CFAP221: variants seen among roughly 807,000 people sequenced by gnomAD.
CFAP221 encodes the protein cilia and flagella associated protein 221, also known as cilia- and flagella-associated protein 221.
CFAP221 carries 97 observed loss-of-function variants against 113.1 expected under a neutral mutation model. The ratio of observed to expected loss-of-function variants is 0.86; its 90% CI spans 0.73 to 1.02. The LOEUF (loss-of-function observed/expected upper bound fraction) is 1.02. Ranked by LOEUF, CFAP221 falls within the 50% of genes least tolerant of loss-of-function variation. CFAP221 has a pLI of 0.00. For synonymous variants in CFAP221, 331 were observed against 354.4 expected (o/e 0.93, Z 0.74); for missense variants, 1,025 against 1,013.4 (o/e 1.01, Z -0.16).
In CFAP221 at chr2:119,630,564, C is replaced by T. The variant is rs748248337; in HGVS notation, c.1732-6C>T. On this transcript the variant is annotated splice_polypyrimidine_tract_variant and splice_region_variant and intron_variant, in intron 17 of 23. Coordinates refer to ENST00000413369, the MANE Select transcript of CFAP221 (RefSeq NM_001271049.2). Reference sequence around the variant, plus strand: ...TTAAGGATTTTCAATCTTCTTTCACCTTCAGGTTCCTCAACTGTACAAAAT... The same window carrying T: ...TTAAGGATTTTCAATCTTCTTTCACTTTCAGGTTCCTCAACTGTACAAAAT... 30 of 1,589,034 alleles carry T rather than the reference C, an allele frequency of 1.9e-5. No individual in the cohort carries two copies. In the East Asian group the frequency reaches 6.7e-4, roughly 36 times the overall value.
intron 5 of CFAP221, among the ~76,000 whole-genome samples, 154 bp downstream of exon 5, chr2:119,560,180 T>C (rs918972689): frequency 6.6e-6 from 1 of 151,294 alleles, no homozygotes; most frequent in Non-Finnish European, 1.5e-5. Flanking sequence ...GTGACTGGCG[T>C]GCAAAGCTTG....
chr2:119,579,301 A>G (rs1057400471), intron 6 of CFAP221, among the ~76,000 whole-genome samples: 1 of 151,978 alleles, frequency 6.6e-6, no homozygotes, highest in African/African-American at 2.4e-5. Flanking sequence ...CGAGATATAT[A>G]TATATACATA....
intron 21 of CFAP221, among the ~76,000 whole-genome samples, chr2:119,642,979 T>A (rs1045078526): frequency 6.6e-6 from 1 of 151,926 alleles, no homozygotes; most frequent in African/African-American, 2.4e-5. Context: ...TAAATAGGGA[T>A]AGGGTCTTGC....
At chr2:119,602,074 G>A (rs1240074254) in intron 8 of CFAP221, among the ~76,000 whole-genome samples, 1 of 152,014 alleles carries the variant, frequency 6.6e-6, no homozygotes, top group Non-Finnish European at 1.5e-5. Context: ...TTATACCCAA[G>A]ATTTTTATAT....
chr2:119,572,732 A>G lies in CFAP221; in HGVS notation c.527+10618A>G, dbSNP rs945152333. ...TGATGACAAATCCAGGAGAGGATCC[A>G]CTGTGGATCTGGTGGCTGAAGATCT... On this transcript the variant is annotated intron_variant, in intron 6 of 23. Transcript: ENST00000413369. The G allele has an allele frequency of 5.3e-6, 3 of 560,830 alleles. No individual in the cohort carries two copies. The African/African-American group carries it at 5.6e-5, about 10-fold the overall frequency. 34.7% of individuals were successfully genotyped at this position (560,830 alleles called of 1,614,324 possible).
rs369200170 is a variant in CFAP221, at chr2:119,641,375, A to G, written c.2225+1503A>G. Among the ~76,000 whole-genome samples the G allele has an allele frequency of 8.1e-4, 123 of 152,300 alleles. 1 individual carries two copies. In the South Asian group the frequency reaches 9.3e-3, roughly 12 times the overall value. On this transcript the variant is annotated intron_variant, in intron 21 of 23. Coordinates refer to ENST00000413369, the MANE Select transcript of CFAP221 (RefSeq NM_001271049.2). Reference sequence around the variant, plus strand: ...TCCTTTCCTCAACCACCCTATTGCCATCTGAAAACCAGCATCCTTGTTCTA... The same window carrying G: ...TCCTTTCCTCAACCACCCTATTGCCGTCTGAAAACCAGCATCCTTGTTCTA...
chr2:119,599,083 G>A (rs931730471), intron 7 of CFAP221, among the ~76,000 whole-genome samples: 1 of 152,112 alleles, frequency 6.6e-6, no homozygotes, highest in Admixed American at 6.5e-5. Flanking sequence ...ATGGACCCAA[G>A]GTCTTTTGCT....
intron 6 of CFAP221, among the ~76,000 whole-genome samples, chr2:119,569,208 A>G (rs1681868160): frequency 6.6e-6 from 1 of 151,850 alleles, no homozygotes; most frequent in African/African-American, 2.4e-5. Context: ...ATCTCGGCTC[A>G]TTGCAACCTC....
chr2:119,644,681 A>G (rs1200971786), intron 21 of CFAP221, among the ~76,000 whole-genome samples: 1 of 152,202 alleles, frequency 6.6e-6, no homozygotes, highest in South Asian at 2.1e-4. Context: ...ACACACACAC[A>G]CAATGTACAC....
chr2:119,643,671 G>A (rs1375395467), intron 21 of CFAP221, among the ~76,000 whole-genome samples: 2 of 152,150 alleles, frequency 1.3e-5, no homozygotes, highest in African/African-American at 4.8e-5. Flanking sequence ...AGCCTCCTGA[G>A]TAGCTAGGAC....
intron 17 of CFAP221, 126 bp from the exon 18 acceptor site, chr2:119,630,444 G>T (rs1324739706): frequency 1.4e-6 from 1 of 692,986 alleles, no homozygotes; most frequent in South Asian, 2.0e-5. Context: ...GCCACAATCC[G>T]ATGACTACAA....
At chr2:119,647,980 T>C (rs1222896591) in intron 22 of CFAP221, among the ~76,000 whole-genome samples, 1 of 152,140 alleles carries the variant, frequency 6.6e-6, no homozygotes, top group Non-Finnish European at 1.5e-5. Context: ...CCACCGCCAC[T>C]CACTCACAGT....
Position 119,572,671 on chromosome 2 carries a change from C to T in CFAP221, c.527+10557C>T, listed in dbSNP as rs185471618. On this transcript the variant is annotated intron_variant, in intron 6 of 23. Transcript: ENST00000413369. ...TGACTTTAACCAATTGGTTAGCGTG[C>T]TCTAGACAAACCTGCCTGAAACTCA... 51 of 654,992 alleles carry T rather than the reference C, an allele frequency of 7.8e-5. No individual in the cohort carries two copies. The Admixed American group carries it at 1.1e-3, about 14-fold the overall frequency. 40.6% of individuals were successfully genotyped at this position (654,992 alleles called of 1,614,324 possible).
At chr2:119,571,408 G>A (rs1215016021) in intron 6 of CFAP221, among the ~76,000 whole-genome samples, 1 of 151,474 alleles carries the variant, frequency 6.6e-6, no homozygotes, top group Admixed American at 6.6e-5. Context: ...CCAGAGTGCT[G>A]GCATTACAGG....
chr2:119,611,550 G>C, intron 12 of CFAP221, 103 bp from the exon 13 acceptor site: 1 of 918,114 alleles, frequency 1.1e-6, no homozygotes. Context: ...GAACGTCGTG[G>C]GTGGATTTGG....
intron 22 of CFAP221, among the ~76,000 whole-genome samples, chr2:119,650,312 A>G (rs1353087619): frequency 6.6e-6 from 1 of 152,262 alleles, no homozygotes; most frequent in African/African-American, 2.4e-5. Flanking sequence ...CTTGGACTTC[A>G]GTTCCGAAAA....
Position 119,546,250 on chromosome 2 carries a change from C to T in CFAP221, c.119C>T (p.Pro40Leu). 2 of 1,535,202 alleles carry T rather than the reference C, an allele frequency of 1.3e-6. No individual in the cohort carries two copies. Among genetic ancestry groups the T allele is most frequent in the Non-Finnish European group, 1.7e-6 (2 of 1,146,552 alleles). Reference sequence around the variant, plus strand: ...GAGCCGAAAAAAAGAAAAGAAGTACCTAATCACCTCCTAGAATCAAGTAAG... The same window carrying T: ...GAGCCGAAAAAAAGAAAAGAAGTACTTAATCACCTCCTAGAATCAAGTAAG... Reference protein sequence around the residue: ...VEEPKKRKEVPNHLLESKVYA... With the variant: ...VEEPKKRKEVLNHLLESKVYA... The change falls in exon 2 of 24, where the codon CCT (proline) becomes CTT (leucine). Residue 40 changes from proline (P) to leucine (L), a missense_variant. Transcript: ENST00000413369.
chr2:119,546,081 C>A lies in CFAP221; in HGVS notation c.-47-4C>A. The A allele has an allele frequency of 6.7e-7, 1 of 1,493,510 alleles. No homozygotes were observed. Among genetic ancestry groups the A allele is most frequent in the South Asian group, 1.3e-5 (1 of 76,546 alleles). 92.5% of individuals were successfully genotyped at this position (1,493,510 alleles called of 1,614,324 possible). On this transcript the variant is annotated splice_polypyrimidine_tract_variant and splice_region_variant and intron_variant, in intron 1 of 23. Coordinates refer to ENST00000413369, the MANE Select transcript of CFAP221 (RefSeq NM_001271049.2). ...TGATTATACTGCTGCTCTTTCCTCC[C>A]CAGGACATGACCTTTGGCTCTAAAA...
intron 6 of CFAP221, among the ~76,000 whole-genome samples, chr2:119,584,261 C>G (rs1683045560): frequency 6.6e-6 from 1 of 152,064 alleles, no homozygotes; most frequent in South Asian, 2.1e-4. Context: ...AAGATACTTG[C>G]AATGCATATA....
Sources: gnomAD v4.1 joint callset for allele counts (sites outside exome capture counted in the v4.1 genomes callset) on GRCh38, gnomAD v4.1.1 for gene constraint, MANE v1.5 for transcripts, NCBI Gene and HGNC (gene_info 2026-07-23, HGNC 2026-07-21) for gene names.